SHCBP1: variants seen among roughly 807,000 people sequenced by gnomAD.
SHCBP1 encodes SHC binding and spindle associated 1.
SHCBP1 carries 60 observed loss-of-function variants against 75.1 expected under a neutral mutation model. That is an observed-to-expected ratio of 0.80 (90% CI 0.65 to 0.99). The LOEUF is 0.99. Among genes scored for constraint, SHCBP1 ranks in the 50% least tolerant of loss-of-function variants. The pLI, the probability that SHCBP1 is intolerant of heterozygous loss-of-function variation, is 0.00. For missense variants in SHCBP1, 709 were observed against 809.4 expected, an observed-to-expected ratio of 0.88 and a Z score of 1.50; for synonymous variants, 290 against 293.2, an observed-to-expected ratio of 0.99 and a Z score of 0.11.
chr16:46,586,802 A>G (rs1200378267), intron 10 of SHCBP1, among the ~76,000 whole-genome samples: 1 of 152,178 alleles, frequency 6.6e-6, no homozygotes, highest in Non-Finnish European at 1.5e-5. Context: ...GTATTGTTCA[A>G]GGGCTAAAAG....
At chr16:46,595,004 G>T (rs1381329693) in intron 10 of SHCBP1, among the ~76,000 whole-genome samples, 6 of 152,206 alleles carry the variant, frequency 3.9e-5, no homozygotes, top group African/African-American at 1.4e-4. Context: ...GCCACATACT[G>T]TGTGATTCCA....
At chr16:46,583,450 C>T in intron 12 of SHCBP1, 66 bp downstream of exon 12, 1 of 1,494,794 alleles carries the variant, frequency 6.7e-7, no homozygotes, top group Non-Finnish European at 9.0e-7. Flanking sequence ...GACTCAGATC[C>T]TTAATCAGCA....
chr16:46,600,739 A>G (rs572627826), intron 8 of SHCBP1, among the ~76,000 whole-genome samples: 17 of 152,318 alleles, frequency 1.1e-4, no homozygotes, highest in South Asian at 4.1e-4. Flanking sequence ...AAGGCTGGGT[A>G]CGGTGGCGCA....
chr16:46,591,611 T>C (rs1167641264), intron 10 of SHCBP1, among the ~76,000 whole-genome samples: 1 of 150,442 alleles, frequency 6.6e-6, no homozygotes, highest in Non-Finnish European at 1.5e-5. Flanking sequence ...AAAAAAAAAA[T>C]CAGAAAGAAT....
At chr16:46,620,192 ACT>A (rs1428107123) in intron 1 of SHCBP1, among the ~76,000 whole-genome samples, 2 of 152,132 alleles carry the variant, frequency 1.3e-5, no homozygotes, top group African/African-American at 4.8e-5. Context: ...CTTATGATCT[ACT>A]CTGTTAGCAA....
At chr16:46,589,129 T>C (rs1217778006) in intron 10 of SHCBP1, among the ~76,000 whole-genome samples, 1 of 152,234 alleles carries the variant, frequency 6.6e-6, no homozygotes, top group Non-Finnish European at 1.5e-5. Context: ...CAGCGTCTCA[T>C]GCTAAAAACT....
intron 5 of SHCBP1, among the ~76,000 whole-genome samples, chr16:46,606,410 C>A (rs987013183): frequency 6.6e-6 from 1 of 152,178 alleles, no homozygotes; most frequent in Non-Finnish European, 1.5e-5. Context: ...CAAGTACCAC[C>A]GTGTCTTCTG....
At position 46,604,262 on chromosome 16, in the gene SHCBP1, G is replaced by C. The variant is rs756375959; in HGVS notation, c.889C>G (p.Gln297Glu). 1 of 1,614,174 alleles carries C rather than the reference G, an allele frequency of 6.2e-7. No individual in the cohort carries two copies. Among genetic ancestry groups the C allele is most frequent in the Non-Finnish European group, 8.5e-7 (1 of 1,180,022 alleles). The change falls in exon 6 of 13, where the codon CAA (glutamine) becomes GAA (glutamate). Residue 297 changes from glutamine to glutamate, a missense_variant. Physicochemically the swap from Gln to Glu is conservative, Grantham distance 29 (BLOSUM62 2). Transcript: ENST00000303383. ...GGATTCTCAATGAGTTTCAGCTTTT[G>C]TTTCAACTGTTCCATCTCCGAATAC... ...KLYSEMEQLKQKLKLIENPLL... is the reference protein window; with the variant it reads ...KLYSEMEQLKEKLKLIENPLL...
At chr16:46,583,869 C>T (rs1964909211) in intron 11 of SHCBP1, 134 bp downstream of exon 11, 1 of 904,112 alleles carries the variant, frequency 1.1e-6, no homozygotes, top group Non-Finnish European at 1.7e-6. Context: ...ATTCCAATCA[C>T]TGATATTATC....
intron 4 of SHCBP1, among the ~76,000 whole-genome samples, chr16:46,610,824 G>A (rs1258114699): frequency 6.6e-6 from 1 of 151,762 alleles, no homozygotes; most frequent in Non-Finnish European, 1.5e-5. Flanking sequence ...CTCCCAGAGT[G>A]CTACAATTAC....
intron 8 of SHCBP1, 93 bp from the exon 9 acceptor site, chr16:46,600,055 G>C: frequency 7.2e-7 from 1 of 1,390,426 alleles, no homozygotes; most frequent in Non-Finnish European, 9.8e-7. Context: ...TTAAATGACT[G>C]CAGATGATAA....
At chr16:46,598,236 G>C (rs1007477551) in intron 9 of SHCBP1, among the ~76,000 whole-genome samples, 2 of 152,106 alleles carry the variant, frequency 1.3e-5, no homozygotes, top group African/African-American at 4.8e-5. Context: ...CTTTTCAATT[G>C]ACTTTGCCCA....
intron 10 of SHCBP1, among the ~76,000 whole-genome samples, chr16:46,593,168 A>T (rs1965078737): frequency 6.6e-6 from 1 of 151,928 alleles, no homozygotes; most frequent in African/African-American, 2.4e-5. Context: ...AAGAAAAAAA[A>T]GAACCTGCAC....
intron 2 of SHCBP1, 90 bp from the exon 3 acceptor site, chr16:46,617,839 T>A (rs1030377330): frequency 1.0e-6 from 1 of 988,482 alleles, no homozygotes. Context: ...ACTGGCAATC[T>A]GAGGGACTGA....
intron 5 of SHCBP1, among the ~76,000 whole-genome samples, chr16:46,606,967 T>C (rs975612754): frequency 6.6e-6 from 1 of 152,032 alleles, no homozygotes; most frequent in African/African-American, 2.4e-5. Context: ...ACTAGAGGCA[T>C]GCCCTAACAC....
At chr16:46,605,255 A>T (rs1965308031) in intron 5 of SHCBP1, among the ~76,000 whole-genome samples, 1 of 152,244 alleles carries the variant, frequency 6.6e-6, no homozygotes, top group Non-Finnish European at 1.5e-5. Context: ...TTGTAAATGC[A>T]CAATCAAGTT....
chr16:46,583,858 G>T, intron 11 of SHCBP1, 145 bp downstream of exon 11: 1 of 899,634 alleles, frequency 1.1e-6, no homozygotes, highest in Non-Finnish European at 1.7e-6. Flanking sequence ...TCTCACAAGA[G>T]ATTCCAATCA....
intron 8 of SHCBP1, among the ~76,000 whole-genome samples, chr16:46,603,139 T>C (rs1427215202): frequency 6.6e-6 from 1 of 152,200 alleles, no homozygotes; most frequent in Non-Finnish European, 1.5e-5. Flanking sequence ...TGCACTAACA[T>C]ATCTGCAACA....
intron 11 of SHCBP1, 39 bp from the exon 12 acceptor site, chr16:46,583,696 T>C (rs749941867): frequency 1.6e-5 from 25 of 1,579,652 alleles, no homozygotes; most frequent in Non-Finnish European, 2.1e-5. Flanking sequence ...AACTGTCATA[T>C]TCAACATTTC....
Sources: allele counts gnomAD v4.1 joint callset (sites outside exome capture counted in the v4.1 genomes callset), GRCh38; gene constraint gnomAD v4.1.1; transcripts MANE v1.5; gene names NCBI Gene and HGNC (gene_info 2026-07-23, HGNC 2026-07-21).